Variants in DLGAP1 observed in about 807,000 individuals in gnomAD.
DLGAP1 encodes disks large-associated protein 1.
A neutral mutation model predicts 90.8 loss-of-function variants in DLGAP1; 11 were observed. That is an observed-to-expected ratio of 0.12 (90% CI 0.08 to 0.20). The LOEUF (loss-of-function observed/expected upper bound fraction) is 0.20. Ranked by LOEUF, DLGAP1 falls within the 10% of genes least tolerant of loss-of-function variation. The probability of loss-of-function intolerance (pLI) is 1.00; values close to 1 mark genes in which losing one functional copy is unlikely to be tolerated. For synonymous variants in DLGAP1, 558 were observed against 540.7 expected (o/e 1.03, Z -0.44); for missense variants, 1,050 against 1,333.8 (o/e 0.79, Z 3.31).
chr18:3,904,576 T>C (rs1476466985), intron 3 of DLGAP1, among the ~76,000 whole-genome samples: 1 of 152,158 alleles, frequency 6.6e-6, no homozygotes, highest in African/African-American at 2.4e-5. Context: ...GGACTTACCA[T>C]TTGGTGGGTT....
chr18:3,961,902 G>T (rs1332001337), intron 3 of DLGAP1, among the ~76,000 whole-genome samples: 2 of 152,214 alleles, frequency 1.3e-5, no homozygotes, highest in African/African-American at 4.8e-5. Flanking sequence ...AGTGGCTTGG[G>T]TTGCTCAGGT....
chr18:3,567,712 TA>T, intron 8 of DLGAP1, 131 bp from the exon 9 acceptor site: 1 of 793,850 alleles, frequency 1.3e-6, no homozygotes. Flanking sequence ...CCTTGTTCAA[TA>T]TTTGTGTACA....
At chr18:4,416,904 T>C (rs1321619420) in intron 1 of DLGAP1, among the ~76,000 whole-genome samples, 2 of 152,134 alleles carry the variant, frequency 1.3e-5, no homozygotes, top group Admixed American at 6.6e-5. Flanking sequence ...TCCTACAAAA[T>C]GAAGTATAAC....
intron 3 of DLGAP1, among the ~76,000 whole-genome samples, chr18:3,922,994 C>T (rs949217289): frequency 8.6e-5 from 13 of 151,782 alleles, no homozygotes; most frequent in Non-Finnish European, 1.5e-4. Context: ...ATTAGCTGGG[C>T]GTGGTGGCGC....
At chr18:3,841,004 CAT>C (rs1472200793) in intron 4 of DLGAP1, among the ~76,000 whole-genome samples, 5 of 152,220 alleles carry the variant, frequency 3.3e-5, no homozygotes, top group East Asian at 1.9e-4. Flanking sequence ...AGAAACTGCA[CAT>C]GTCTCTTCTC....
chr18:4,295,127 G>A (rs2079946032), intron 1 of DLGAP1: 1 of 152,278 alleles, frequency 6.6e-6, no homozygotes, highest in African/African-American at 2.4e-5. Flanking sequence ...CCAGGCTAGA[G>A]GGTGGGGCTT....
At chr18:4,219,634 C>T in intron 1 of DLGAP1, among the ~76,000 whole-genome samples, 1 of 151,978 alleles carries the variant, frequency 6.6e-6, no homozygotes, top group Non-Finnish European at 1.5e-5. Flanking sequence ...AATCTTTAAT[C>T]CATTTTTAAG....
intron 2 of DLGAP1, among the ~76,000 whole-genome samples, chr18:4,069,139 G>A (rs2143434684): frequency 6.6e-6 from 1 of 152,166 alleles, no homozygotes; most frequent in Middle Eastern, 3.4e-3. Context: ...TTAAGAAATG[G>A]TAATTATTTT....
intron 1 of DLGAP1, among the ~76,000 whole-genome samples, chr18:4,392,678 A>T (rs978649176): frequency 6.6e-6 from 1 of 152,168 alleles, no homozygotes; most frequent in Non-Finnish European, 1.5e-5. Flanking sequence ...GTCTACAGTG[A>T]TTGTAGGCCC....
At chr18:4,050,486 A>T (rs1263355401) in intron 2 of DLGAP1, among the ~76,000 whole-genome samples, 1 of 152,228 alleles carries the variant, frequency 6.6e-6, no homozygotes, top group Admixed American at 6.5e-5. Flanking sequence ...ATAAAAGTTA[A>T]AATAGTTTTA....
intron 3 of DLGAP1, among the ~76,000 whole-genome samples, chr18:3,922,669 T>C: frequency 6.6e-6 from 1 of 152,176 alleles, no homozygotes; most frequent in East Asian, 1.9e-4. Flanking sequence ...AACTGGCCCT[T>C]TATGGAGGAA....
intron 1 of DLGAP1, among the ~76,000 whole-genome samples, chr18:4,200,778 A>C (rs1452272748): frequency 6.6e-6 from 1 of 152,096 alleles, no homozygotes; most frequent in Non-Finnish European, 1.5e-5. Flanking sequence ...TATATGCTAA[A>C]ACTAGGGCAA....
intron 1 of DLGAP1, among the ~76,000 whole-genome samples, chr18:4,351,874 A>G (rs1272497457): frequency 6.6e-6 from 1 of 152,222 alleles, no homozygotes; most frequent in Non-Finnish European, 1.5e-5. Context: ...TTGTTTAGGT[A>G]TATTTCAAAC....
intron 3 of DLGAP1, among the ~76,000 whole-genome samples, chr18:3,974,012 C>T (rs2073514111): frequency 6.6e-6 from 1 of 152,186 alleles, no homozygotes; most frequent in African/African-American, 2.4e-5. Flanking sequence ...GCAATTGTAA[C>T]ACCGTGGGAA....
intron 7 of DLGAP1, among the ~76,000 whole-genome samples, chr18:3,709,041 A>G (rs2061523407): frequency 6.6e-6 from 1 of 152,244 alleles, no homozygotes; most frequent in Non-Finnish European, 1.5e-5. Flanking sequence ...AATTTATTCA[A>G]CAAATATTTA....
At chr18:4,411,434 T>A (rs1337662530) in intron 1 of DLGAP1, among the ~76,000 whole-genome samples, 1 of 152,172 alleles carries the variant, frequency 6.6e-6, no homozygotes, top group Non-Finnish European at 1.5e-5. Context: ...ATCAGATGGC[T>A]CTTGCTTAGG....
intron 1 of DLGAP1, among the ~76,000 whole-genome samples, chr18:4,163,310 C>T (rs1234554869): frequency 6.6e-6 from 1 of 152,164 alleles, no homozygotes; most frequent in Non-Finnish European, 1.5e-5. Context: ...AGAAAATATA[C>T]TAAATGGTAA....
chr18:3,565,478 A>T lies in DLGAP1; in HGVS notation c.2057+2012T>A, dbSNP rs150875521. ...AATATATTTTCTTTAATGTCTACTA[A>T]ATGTATACTTTCAAAAATTTTTCTA... On this transcript the variant is annotated intron_variant, in intron 9 of 12. Coordinates refer to ENST00000315677, the MANE Select transcript of DLGAP1 (RefSeq NM_004746.4). This position sits in a 1 kb window ranked among gnomAD's most constrained non-coding sequence, Gnocchi z 4.0. 3.8e-3 allele frequency among the ~76,000 whole-genome samples: 581 copies of T among 152,132 alleles called. 3 individuals carry two copies. Among genetic ancestry groups the T allele is most frequent in the African/African-American group, 0.013 (522 of 41,506 alleles).
rs1248282385 is a variant in DLGAP1 at position 3,772,340 on chromosome 18, CTCTCTCTCTTTCTT to C, written c.1173-29842_1173-29829del. On this transcript the variant is annotated intron_variant, in intron 5 of 12. Coordinates refer to ENST00000315677, the MANE Select transcript of DLGAP1 (RefSeq NM_004746.4). ...TTCCTTCCTTTCTCTCCTTCTCTCT[CTCTCTCTCTTTCTT>C]TCTTTCTTTCTTTCTTTCTTTCTTT... 7.0e-3 allele frequency among the ~76,000 whole-genome samples: 359 copies of C among 51,316 alleles called. 18 individuals are homozygous for C. Among genetic ancestry groups the C allele is most frequent in the African/African-American group, 0.026 (331 of 12,502 alleles). 33.7% of individuals were successfully genotyped at this position (51,316 alleles called of 152,430 possible). A position where few individuals can be genotyped will look rare whatever the true frequency, so the allele number is the denominator to read the frequency against.
Sources: allele counts gnomAD v4.1 joint callset (sites outside exome capture counted in the v4.1 genomes callset), GRCh38; gene constraint gnomAD v4.1.1; non-coding constraint Gnocchi (gnomAD v3.1); transcripts MANE v1.5; gene names NCBI Gene and HGNC (gene_info 2026-07-23, HGNC 2026-07-21).